Variants in CAST observed in about 807,000 individuals in gnomAD.
CAST encodes the protein calpastatin.
CAST carries 76 observed loss-of-function variants against 119.6 expected under a neutral mutation model. The ratio of observed to expected loss-of-function variants is 0.64; its 90% CI spans 0.53 to 0.77. The LOEUF (loss-of-function observed/expected upper bound fraction) is 0.77, where lower values mean the gene tolerates loss of function less well. Ranked by LOEUF, CAST falls within the 30% of genes least tolerant of loss-of-function variation. The probability of loss-of-function intolerance (pLI) is 0.00; values close to 1 mark genes in which losing one functional copy is unlikely to be tolerated. For synonymous variants in CAST, 319 were observed against 331.6 expected (o/e 0.96, Z 0.41); for missense variants, 953 against 946.5 (o/e 1.01, Z -0.09).
the CAST span, among the ~76,000 whole-genome samples, chr5:96,048,034 C>A: frequency 6.6e-6 from 1 of 152,128 alleles, no homozygotes; most frequent in East Asian, 1.9e-4. Flanking sequence ...TTAGAGAAAG[C>A]AGGAGTGTAG....
chr5:96,289,705 GC>G, the CAST span, among the ~76,000 whole-genome samples: 1 of 152,070 alleles, frequency 6.6e-6, no homozygotes, highest in Admixed American at 6.6e-5. Flanking sequence ...AAACACACTG[GC>G]TTTACTAAAT....
the CAST span, among the ~76,000 whole-genome samples, chr5:95,978,224 A>G: frequency 1.3e-5 from 2 of 152,168 alleles, no homozygotes; most frequent in East Asian, 1.9e-4. Flanking sequence ...GAATCTCCAC[A>G]CTGCTTTCCA....
chr5:96,274,758 C>T, the CAST span, among the ~76,000 whole-genome samples: 14 of 152,206 alleles, frequency 9.2e-5, no homozygotes, highest in Admixed American at 8.5e-4. Context: ...CCCTCTGACA[C>T]TAAACAGCTC....
intron 1 of CAST, among the ~76,000 whole-genome samples, chr5:96,672,706 C>CAAAAAAAAA (rs11427288): frequency 1.7e-5 from 1 of 59,164 alleles, no homozygotes; most frequent in African/African-American, 6.2e-5. Flanking sequence ...GACTCAGTCT[C>CAAAAAAAAA]AAAAAAAAAA....
chr5:96,518,111 G>A, the CAST span, among the ~76,000 whole-genome samples: 1 of 152,026 alleles, frequency 6.6e-6, no homozygotes, highest in Admixed American at 6.6e-5. Context: ...CTGATGAGAA[G>A]ATGAAGTCTT....
the CAST span, among the ~76,000 whole-genome samples, chr5:96,458,529 C>T: frequency 6.6e-6 from 1 of 152,086 alleles, no homozygotes; most frequent in African/African-American, 2.4e-5. Flanking sequence ...TGTCATCACC[C>T]ACCACAATTT....
chr5:96,307,595 G>A, the CAST span, among the ~76,000 whole-genome samples: 1 of 152,212 alleles, frequency 6.6e-6, no homozygotes, highest in African/African-American at 2.4e-5. Flanking sequence ...GGTACTGGCT[G>A]TTTCTTTCCA....
the CAST span, among the ~76,000 whole-genome samples, chr5:96,054,138 T>C: frequency 1.3e-5 from 2 of 152,222 alleles, no homozygotes; most frequent in Non-Finnish European, 2.9e-5. Flanking sequence ...TTATTATTGC[T>C]GTTACTATTT....
the CAST span, among the ~76,000 whole-genome samples, chr5:95,991,661 G>C: frequency 6.6e-6 from 1 of 151,570 alleles, no homozygotes; most frequent in Admixed American, 6.6e-5. Context: ...ACGTGCCACT[G>C]CTCCCGGTTA....
At chr5:96,739,395 A>G (rs1282323321) in intron 11 of CAST, among the ~76,000 whole-genome samples, 1 of 152,266 alleles carries the variant, frequency 6.6e-6, no homozygotes, top group Non-Finnish European at 1.5e-5. Context: ...AAAATGGATT[A>G]TTCATGTATC....
chr5:96,230,133 A>G, the CAST span, among the ~76,000 whole-genome samples: 1 of 152,104 alleles, frequency 6.6e-6, no homozygotes, highest in Non-Finnish European at 1.5e-5. Context: ...AGAGCCTGAA[A>G]ATGGGTTCTA....
At chr5:96,140,698 T>C in the CAST span, among the ~76,000 whole-genome samples, 2 of 152,224 alleles carry the variant, frequency 1.3e-5, no homozygotes, top group Non-Finnish European at 2.9e-5. Context: ...TGTTGGGTAA[T>C]GTATTTACAG....
chr5:96,363,205 G>A, the CAST span, among the ~76,000 whole-genome samples: 1 of 148,990 alleles, frequency 6.7e-6, no homozygotes, highest in East Asian at 1.9e-4. Flanking sequence ...TCTCTGTTTT[G>A]GTACCAGTAC....
chr5:96,387,382 A>T, the CAST span, among the ~76,000 whole-genome samples: 1 of 152,164 alleles, frequency 6.6e-6, no homozygotes, highest in Non-Finnish European at 1.5e-5. Flanking sequence ...GTAAAGAATG[A>T]CCAGAGCCAA....
chr5:96,371,954 T>G, the CAST span, among the ~76,000 whole-genome samples: 3 of 152,240 alleles, frequency 2.0e-5, no homozygotes, highest in South Asian at 6.2e-4. Flanking sequence ...TCTAGCTCAC[T>G]TTCTGATTTT....
the CAST span, among the ~76,000 whole-genome samples, chr5:96,275,647 T>TATTTTGTCCTA: frequency 2.7e-4 from 41 of 152,158 alleles, no homozygotes; most frequent in Non-Finnish European, 5.9e-4. Context: ...AGATATAGAG[T>TATTTTGTCCTA]TTATTTTGAA....
chr5:96,172,638 A>T, the CAST span, among the ~76,000 whole-genome samples: 1 of 152,268 alleles, frequency 6.6e-6, no homozygotes, highest in East Asian at 1.9e-4. Flanking sequence ...ATATTTCAGA[A>T]TAAATTAAAA....
chr5:95,991,505 T>G, the CAST span, among the ~76,000 whole-genome samples: 299 of 142,666 alleles, frequency 2.1e-3, 1 homozygote, highest in Non-Finnish European at 2.4e-3. Context: ...TTGTTTTTTT[T>G]TTTTTTTTTT....
chr5:96,259,731 C>A, the CAST span, among the ~76,000 whole-genome samples: 1 of 152,110 alleles, frequency 6.6e-6, no homozygotes, highest in East Asian at 1.9e-4. Context: ...TCCTTTCTCA[C>A]TTCCTCTAAC....
Sources: allele counts gnomAD v4.1 joint callset (sites outside exome capture counted in the v4.1 genomes callset), GRCh38; gene constraint gnomAD v4.1.1; transcripts MANE v1.5; gene names NCBI Gene and HGNC (gene_info 2026-07-23, HGNC 2026-07-21).